BCKDHB: variants seen among roughly 807,000 people sequenced by gnomAD.
The protein encoded by BCKDHB is branched chain keto acid dehydrogenase E1 subunit beta, also known as 2-oxoisovalerate dehydrogenase subunit beta, mitochondrial.
BCKDHB carries 41 observed loss-of-function variants against 48.5 expected under a neutral mutation model. The observed-to-expected ratio is 0.85, with a 90% CI of 0.66 to 1.10. The LOEUF is 1.10. Among genes scored for constraint, BCKDHB ranks in the 50% least tolerant of loss-of-function variants. BCKDHB has a pLI of 0.00. For missense variants in BCKDHB, 496 were observed against 494.2 expected, an observed-to-expected ratio of 1.00 and a Z score of -0.03; for synonymous variants, 201 against 174.8, an observed-to-expected ratio of 1.15 and a Z score of -1.18.
At chr6:80,228,530 C>T (rs1311745571) in intron 8 of BCKDHB, among the ~76,000 whole-genome samples, 3 of 152,208 alleles carry the variant, frequency 2.0e-5, no homozygotes, top group African/African-American at 7.2e-5. Flanking sequence ...TGAGCTTCCT[C>T]TCAGGTGCCT....
chr6:80,251,189 C>T (rs1776822970), intron 8 of BCKDHB, among the ~76,000 whole-genome samples: 1 of 152,080 alleles, frequency 6.6e-6, no homozygotes, highest in African/African-American at 2.4e-5. Context: ...AAAACCTAGG[C>T]CTCTTGTTGT....
chr6:80,306,752 G>A (rs941242172), intron 9 of BCKDHB, among the ~76,000 whole-genome samples: 1 of 152,118 alleles, frequency 6.6e-6, no homozygotes, highest in East Asian at 1.9e-4. Flanking sequence ...TTTTCATGGA[G>A]TCTTACAGCT....
Position 80,343,754 on chromosome 6 carries a change from C to G in BCKDHB, c.1129C>G (p.Pro377Ala). 1 of 1,613,822 alleles carries G rather than the reference C, an allele frequency of 6.2e-7. No individual in the cohort carries two copies. Among genetic ancestry groups the G allele is most frequent in the Non-Finnish European group, 8.5e-7 (1 of 1,179,908 alleles). ...TCACATTTTTGAACCATTCTACATC[C>G]CAGACAAATGGAAGTGTTATGATGC... ...FPHIFEPFYI[P>A]DKWKCYDALR... The change falls in exon 10 of 10, where the codon CCA becomes GCA. Residue 377 changes from proline (P) to alanine (A), a missense_variant. By Grantham distance (27) the Pro-to-Ala change is conservative. Coordinates refer to ENST00000320393, the MANE Select transcript of BCKDHB (RefSeq NM_183050.4).
chr6:80,244,202 G>A (rs1460985651), intron 8 of BCKDHB, among the ~76,000 whole-genome samples: 1 of 152,208 alleles, frequency 6.6e-6, no homozygotes, highest in African/African-American at 2.4e-5. Context: ...TGGTGAAGCA[G>A]GAGATGGAAG....
At chr6:80,310,446 G>T (rs770232780) in intron 9 of BCKDHB, among the ~76,000 whole-genome samples, 54 of 152,294 alleles carry the variant, frequency 3.5e-4, no homozygotes, top group Middle Eastern at 6.8e-3. Context: ...TCTGTTTTAT[G>T]ACTGCATAGT....
chr6:80,361,542 C>T, the BCKDHB span, among the ~76,000 whole-genome samples: 4 of 152,140 alleles, frequency 2.6e-5, no homozygotes, highest in Non-Finnish European at 5.9e-5. Flanking sequence ...TTTAGTGTAG[C>T]AGGAAAGCCC....
chr6:80,326,581 A>G (rs2128005778), intron 9 of BCKDHB, among the ~76,000 whole-genome samples: 1 of 152,308 alleles, frequency 6.6e-6, no homozygotes, highest in African/African-American at 2.4e-5. Context: ...AAAGAGGAAA[A>G]CAGACTAAGA....
chr6:80,258,803 C>G (rs1181581690), intron 8 of BCKDHB, among the ~76,000 whole-genome samples: 1 of 151,536 alleles, frequency 6.6e-6, no homozygotes, highest in Non-Finnish European at 1.5e-5. Flanking sequence ...ATCACTGATG[C>G]TCAAGTTAAC....
the BCKDHB span, among the ~76,000 whole-genome samples, chr6:80,413,272 CGTAA>C: frequency 6.6e-6 from 1 of 152,004 alleles, no homozygotes; most frequent in African/African-American, 2.4e-5. Context: ...TTAAGCTCAC[CGTAA>C]GTATGTATTC....
At chr6:80,397,607 G>A in the BCKDHB span, among the ~76,000 whole-genome samples, 1 of 152,198 alleles carries the variant, frequency 6.6e-6, no homozygotes, top group Non-Finnish European at 1.5e-5. Flanking sequence ...TCAAGGCTGA[G>A]TGTGGAGGTT....
chr6:80,118,648 G>A (rs1327669012), intron 1 of BCKDHB, among the ~76,000 whole-genome samples: 1 of 152,088 alleles, frequency 6.6e-6, no homozygotes, highest in Admixed American at 6.6e-5. Context: ...TTTCAGAATT[G>A]AAATCAATTC....
intron 9 of BCKDHB, among the ~76,000 whole-genome samples, chr6:80,317,302 G>A (rs1768496716): frequency 6.6e-6 from 1 of 152,196 alleles, no homozygotes; most frequent in African/African-American, 2.4e-5. Flanking sequence ...AGTTCTGTAG[G>A]TTTAGAGTCC....
intron 8 of BCKDHB, among the ~76,000 whole-genome samples, chr6:80,217,651 TTTTAACCA>T (rs1198839740): frequency 6.6e-6 from 1 of 152,224 alleles, no homozygotes; most frequent in Non-Finnish European, 1.5e-5. Flanking sequence ...ACACAGCCAC[TTTTAACCA>T]TTTCTGTATT....
rs536397558 is a variant in BCKDHB at position 80,194,802 on chromosome 6, T to C, written c.743-6132T>C. Among the ~76,000 whole-genome samples, 71 of 152,364 alleles carry C rather than the reference T, an allele frequency of 4.7e-4. No individual in the cohort carries two copies. In the South Asian group the frequency reaches 0.014, roughly 31 times the overall value. On this transcript the variant is annotated intron_variant, in intron 6 of 9. Coordinates refer to ENST00000320393, the MANE Select transcript of BCKDHB (RefSeq NM_183050.4). ...GCCTTTGTGCAGCTAATTATATTTA[T>C]TTTTCAAGATTTGCCTTTTTAAAAT...
At chr6:80,314,801 C>G (rs1768353833) in intron 9 of BCKDHB, among the ~76,000 whole-genome samples, 1 of 152,112 alleles carries the variant, frequency 6.6e-6, no homozygotes, top group South Asian at 2.1e-4. Context: ...AGGGGGAGCT[C>G]AGGCCTCTGG....
At chr6:80,122,962 C>A (rs900499790) in intron 1 of BCKDHB, among the ~76,000 whole-genome samples, 1 of 129,630 alleles carries the variant, frequency 7.7e-6, no homozygotes, top group Non-Finnish European at 1.6e-5. Context: ...TATAGGCCTT[C>A]CCCCCCTCCC....
the BCKDHB span, among the ~76,000 whole-genome samples, chr6:80,429,243 G>C: frequency 0.027 from 4,144 of 152,196 alleles, 170 homozygotes; most frequent in African/African-American, 0.08. Context: ...ATCTGTTTTG[G>C]TACCAATACC....
At chr6:80,267,305 C>T (rs1777553855) in intron 8 of BCKDHB, among the ~76,000 whole-genome samples, 1 of 152,014 alleles carries the variant, frequency 6.6e-6, no homozygotes, top group Non-Finnish European at 1.5e-5. Context: ...TGATTCTTGC[C>T]CTTGTAACCT....
chr6:80,441,541 A>T, the BCKDHB span, among the ~76,000 whole-genome samples: 1 of 152,164 alleles, frequency 6.6e-6, no homozygotes, highest in Non-Finnish European at 1.5e-5. Context: ...TTTAGATTTA[A>T]TTTTTTAATT....
Sources: allele counts gnomAD v4.1 joint callset (sites outside exome capture counted in the v4.1 genomes callset), GRCh38; gene constraint gnomAD v4.1.1; transcripts MANE v1.5; gene names NCBI Gene and HGNC (gene_info 2026-07-23, HGNC 2026-07-21).